DPP10: variants seen among roughly 807,000 people sequenced by gnomAD.
DPP10 encodes dipeptidyl peptidase like 10, also known as inactive dipeptidyl peptidase 10.
A neutral mutation model predicts 120.9 loss-of-function variants in DPP10; 33 were observed. That is an observed-to-expected ratio of 0.27 (90% confidence interval 0.21 to 0.37). DPP10 has a LOEUF of 0.37. DPP10 is among the 10% of genes least tolerant of loss of function. The pLI is 1.00. For synonymous variants in DPP10, 337 were observed against 326.1 expected (o/e 1.03, Z -0.36); for missense variants, 816 against 942.8 (o/e 0.87, Z 1.76).
At chr2:115,306,370 G>A (rs1393746420) in intron 1 of DPP10, among the ~76,000 whole-genome samples, 1 of 152,018 alleles carries the variant, frequency 6.6e-6, no homozygotes, top group African/African-American at 2.4e-5. Flanking sequence ...GAAGGTTGAA[G>A]CATCTGAGGC....
At chr2:114,708,841 T>C (rs1215893740) in intron 1 of DPP10, among the ~76,000 whole-genome samples, 1 of 152,122 alleles carries the variant, frequency 6.6e-6, no homozygotes, top group Non-Finnish European at 1.5e-5. Context: ...TTGCAACCTC[T>C]GACTCCTGGG....
intron 5 of DPP10, among the ~76,000 whole-genome samples, chr2:115,658,366 T>C (rs547655345): frequency 1.5e-4 from 23 of 152,238 alleles, no homozygotes; most frequent in Admixed American, 5.2e-4. Context: ...TCTCCCTTAT[T>C]TATTTAGGTC....
In DPP10 at chr2:115,684,355, A is replaced by C. The variant is rs989440109; in HGVS notation, c.442-5332A>C. 3.9e-5 allele frequency among the ~76,000 whole-genome samples: 6 copies of C among 151,962 alleles called. No individual in the cohort carries two copies. In the East Asian group the frequency reaches 1.2e-3, roughly 29 times the overall value. On this transcript the variant is annotated intron_variant, in intron 5 of 25. Coordinates refer to ENST00000410059, the MANE Select transcript of DPP10 (RefSeq NM_020868.6). ...GAAGATAAATCTTTTGAAACGACAAAGTCACGACTCACTCATCTTAAAAGG... is the reference window on the plus strand; with the variant it reads ...GAAGATAAATCTTTTGAAACGACAACGTCACGACTCACTCATCTTAAAAGG...
chr2:114,446,542 C>A (rs1677955442), intron 1 of DPP10, among the ~76,000 whole-genome samples: 1 of 152,116 alleles, frequency 6.6e-6, no homozygotes. Flanking sequence ...TTTTACAAGA[C>A]CTGCCTGATT....
At chr2:115,104,774 G>A (rs1332666772) in intron 1 of DPP10, among the ~76,000 whole-genome samples, 6 of 152,190 alleles carry the variant, frequency 3.9e-5, no homozygotes, top group African/African-American at 7.2e-5. Context: ...CTGGGAGGCC[G>A]AGGCGGGTGG....
chr2:115,229,909 T>C (rs2057653132), intron 1 of DPP10, among the ~76,000 whole-genome samples: 1 of 151,744 alleles, frequency 6.6e-6, no homozygotes. Context: ...TCTGGGTCTT[T>C]TGTGATTCCA....
At chr2:114,907,221 A>C (rs953811615) in intron 1 of DPP10, among the ~76,000 whole-genome samples, 1 of 151,588 alleles carries the variant, frequency 6.6e-6, no homozygotes, top group Non-Finnish European at 1.5e-5. Context: ...CGGTGTAGAT[A>C]GTGTTTTTAA....
intron 2 of DPP10, among the ~76,000 whole-genome samples, chr2:115,326,307 A>T (rs2062361178): frequency 6.6e-6 from 1 of 152,068 alleles, no homozygotes; most frequent in South Asian, 2.1e-4. Context: ...TCATAGTAGC[A>T]TGATTCATTA....
chr2:115,157,192 A>G (rs932942559), intron 1 of DPP10, among the ~76,000 whole-genome samples: 5 of 151,056 alleles, frequency 3.3e-5, no homozygotes, highest in Non-Finnish European at 7.4e-5. Context: ...TCCTGTATAT[A>G]TGACACAGAA....
At chr2:114,485,470 T>C (rs1681430365) in intron 1 of DPP10, among the ~76,000 whole-genome samples, 1 of 151,348 alleles carries the variant, frequency 6.6e-6, no homozygotes, top group Admixed American at 6.6e-5. Context: ...CTGTTTTTTT[T>C]TTTTTTGCGG....
intron 1 of DPP10, among the ~76,000 whole-genome samples, chr2:114,939,488 C>T (rs1279964857): frequency 6.6e-6 from 1 of 151,962 alleles, no homozygotes; most frequent in Non-Finnish European, 1.5e-5. Context: ...TTGTGACTAC[C>T]TTAATAGATA....
At chr2:115,609,823 C>T (rs945688614) in intron 5 of DPP10, among the ~76,000 whole-genome samples, 1 of 151,928 alleles carries the variant, frequency 6.6e-6, no homozygotes, top group East Asian at 1.9e-4. Context: ...AATAGTGAAA[C>T]GACTGAAAAC....
At chr2:114,558,048 T>C (rs1383834693) in intron 1 of DPP10, among the ~76,000 whole-genome samples, 1 of 152,178 alleles carries the variant, frequency 6.6e-6, no homozygotes, top group Non-Finnish European at 1.5e-5. Flanking sequence ...TTAAAAACTA[T>C]GTGAGGATGA....
At chr2:115,239,811 TC>T (rs1278167411) in intron 1 of DPP10, among the ~76,000 whole-genome samples, 1 of 152,160 alleles carries the variant, frequency 6.6e-6, no homozygotes, top group East Asian at 1.9e-4. Context: ...GTCCATGCGT[TC>T]TCATTGTTCA....
rs139737231 is a variant in DPP10 at position 114,858,028 on chromosome 2, C to T, written c.60+415190C>T. 5.3e-3 allele frequency among the ~76,000 whole-genome samples: 811 copies of T among 152,214 alleles called. 5 individuals carry two copies. The highest frequency in any genetic ancestry group is 0.018 in the African/African-American group (756 of 41,546). On this transcript the variant is annotated intron_variant, in intron 1 of 25. Coordinates refer to ENST00000410059, the MANE Select transcript of DPP10 (RefSeq NM_020868.6). Reference sequence around the variant, plus strand: ...TGTTTGAGATGGAGTTTTGCTCTGTCGCCCAGGCTGGAGTGCAGTGGCACT... The same window carrying T: ...TGTTTGAGATGGAGTTTTGCTCTGTTGCCCAGGCTGGAGTGCAGTGGCACT...
At chr2:114,608,107 G>C (rs537607896) in intron 1 of DPP10, among the ~76,000 whole-genome samples, 2 of 152,332 alleles carry the variant, frequency 1.3e-5, no homozygotes, top group East Asian at 3.9e-4. Flanking sequence ...CCAAACACAA[G>C]TATTTACTGG....
intron 1 of DPP10, among the ~76,000 whole-genome samples, chr2:115,147,451 C>T (rs1425177997): frequency 1.3e-5 from 2 of 152,034 alleles, no homozygotes; most frequent in Non-Finnish European, 2.9e-5. Flanking sequence ...GCTTTAGTAA[C>T]ACCTTTTAGG....
intron 1 of DPP10, among the ~76,000 whole-genome samples, chr2:114,512,960 T>C (rs1684268788): frequency 6.6e-6 from 1 of 152,128 alleles, no homozygotes; most frequent in Admixed American, 6.5e-5. Context: ...CATTTGACTG[T>C]TCAAGGAGTT....
chr2:114,808,115 A>T (rs1285565097), intron 1 of DPP10, among the ~76,000 whole-genome samples: 2 of 152,192 alleles, frequency 1.3e-5, no homozygotes, highest in African/African-American at 4.8e-5. Flanking sequence ...CCTTTTATGA[A>T]TGAGGACACA....
Sources: gnomAD v4.1 joint callset for allele counts (sites outside exome capture counted in the v4.1 genomes callset) on GRCh38, gnomAD v4.1.1 for gene constraint, MANE v1.5 for transcripts, NCBI Gene and HGNC (gene_info 2026-07-23, HGNC 2026-07-21) for gene names.